The following ANO3 variants were observed in gnomAD, a reference collection of about 807,000 sequenced individuals.
The protein encoded by ANO3 is anoctamin-3.
A neutral mutation model predicts 144.8 loss-of-function variants in ANO3; 99 were observed. The ratio of observed to expected loss-of-function variants is 0.68; its 90% confidence interval spans 0.58 to 0.81. The LOEUF (loss-of-function observed/expected upper bound fraction) is 0.81, where lower values mean the gene tolerates loss of function less well. Ranked by LOEUF, ANO3 falls within the 30% of genes least tolerant of loss-of-function variation. The pLI, the probability that ANO3 is intolerant of heterozygous loss-of-function variation, is 0.00. For missense variants in ANO3, 905 were observed against 1,202.2 expected (o/e 0.75, Z 3.66); for synonymous variants, 414 against 392.6 (o/e 1.05, Z -0.64).
intron 6 of ANO3, among the ~76,000 whole-genome samples, chr11:26,523,998 GA>G (rs921268158): frequency 2.3e-4 from 35 of 151,542 alleles, no homozygotes; most frequent in Admixed American, 2.2e-3. Context: ...TAGCTTTTTT[GA>G]AAAAAATACT....
At chr11:26,454,148 A>G in intron 3 of ANO3, among the ~76,000 whole-genome samples, 1 of 152,156 alleles carries the variant, frequency 6.6e-6, no homozygotes, top group Non-Finnish European at 1.5e-5. Flanking sequence ...TTGACACCCT[A>G]ACATCACAAT....
chr11:26,489,819 T>G (rs779092036), intron 4 of ANO3, among the ~76,000 whole-genome samples: 2 of 152,240 alleles, frequency 1.3e-5, no homozygotes, highest in Non-Finnish European at 2.9e-5. Context: ...AAAGGCTGTA[T>G]TGACCCAGTA....
At chr11:26,603,814 A>G (rs1190278245) in intron 17 of ANO3, among the ~76,000 whole-genome samples, 3 of 152,128 alleles carry the variant, frequency 2.0e-5, no homozygotes, top group Non-Finnish European at 4.4e-5. Context: ...CACCTAGTAT[A>G]TTTATTTTAA....
intron 1 of ANO3, among the ~76,000 whole-genome samples, chr11:26,377,350 A>G (rs141974025): frequency 5.4e-4 from 82 of 152,152 alleles, no homozygotes; most frequent in African/African-American, 1.9e-3. Context: ...AAATATGAGC[A>G]TAAAGATAAT....
chr11:26,292,965 T>C (rs1047917150), intron 1 of ANO3, among the ~76,000 whole-genome samples: 2 of 152,098 alleles, frequency 1.3e-5, no homozygotes, highest in Admixed American at 6.6e-5. Flanking sequence ...CAAAGCTCAG[T>C]TGGAAATGCA....
At chr11:26,550,068 A>G (rs1465460121) in intron 12 of ANO3, among the ~76,000 whole-genome samples, 1 of 151,020 alleles carries the variant, frequency 6.6e-6, no homozygotes, top group Non-Finnish European at 1.5e-5. Flanking sequence ...TGATCCTTTA[A>G]AAAAAAAATG....
In ANO3 at chr11:26,509,093, A is replaced by ATCTC. The variant is rs140858393; in HGVS notation, c.591+841_591+844dup. 2.7e-3 allele frequency among the ~76,000 whole-genome samples: 357 copies of ATCTC among 132,070 alleles called. 1 individual carries two copies. Among genetic ancestry groups the ATCTC allele is most frequent in the African/African-American group, 8.5e-3 (323 of 37,974 alleles). 86.6% of individuals were successfully genotyped at this position (132,070 alleles called of 152,430 possible). ...CGTATACATATATATACACACATCT[A>ATCTC]TCTCTCTCTCTCTATATATATATAT... is the stretch of plus-strand genomic sequence containing the variant. On this transcript the variant is annotated intron_variant, in intron 5 of 26. Coordinates refer to ENST00000256737, the MANE Select transcript of ANO3 (RefSeq NM_031418.4).
chr11:26,591,165 A>T (rs573679745), intron 14 of ANO3, among the ~76,000 whole-genome samples: 43 of 152,240 alleles, frequency 2.8e-4, no homozygotes, highest in Non-Finnish European at 5.3e-4. Context: ...AGGCTTAGGA[A>T]TTCTTAGTCA....
intron 1 of ANO3, among the ~76,000 whole-genome samples, chr11:26,371,723 T>C (rs1285014424): frequency 1.3e-5 from 2 of 152,226 alleles, no homozygotes; most frequent in African/African-American, 4.8e-5. Flanking sequence ...TTTGGAACTT[T>C]AAGATTTAAT....
chr11:26,400,454 T>C (rs905951180), intron 1 of ANO3, among the ~76,000 whole-genome samples: 2 of 152,002 alleles, frequency 1.3e-5, no homozygotes, highest in African/African-American at 4.8e-5. Flanking sequence ...CTGAAAACCA[T>C]TTTAAAATAA....
chr11:26,375,448 T>C (rs1856378785), intron 1 of ANO3, among the ~76,000 whole-genome samples: 1 of 152,198 alleles, frequency 6.6e-6, no homozygotes, highest in South Asian at 2.1e-4. Flanking sequence ...CAGAAATTTA[T>C]TCATCTACAA....
chr11:26,604,453 G>A (rs1046959354), intron 17 of ANO3, among the ~76,000 whole-genome samples: 1 of 152,086 alleles, frequency 6.6e-6, no homozygotes, highest in African/African-American at 2.4e-5. Flanking sequence ...TGTGAAGAAT[G>A]TCAATGGTAG....
intron 1 of ANO3, among the ~76,000 whole-genome samples, chr11:26,296,009 T>C (rs1403393598): frequency 2.0e-5 from 3 of 152,244 alleles, no homozygotes; most frequent in Non-Finnish European, 4.4e-5. Flanking sequence ...ATGGTTGCAA[T>C]AGCAAACTTA....
intron 1 of ANO3, among the ~76,000 whole-genome samples, chr11:26,343,230 G>T (rs1855410385): frequency 1.3e-5 from 2 of 152,030 alleles, no homozygotes; most frequent in African/African-American, 4.8e-5. Context: ...TGCAATATTT[G>T]TCTTCCTGTA....
intron 14 of ANO3, among the ~76,000 whole-genome samples, chr11:26,594,156 T>C (rs11529839): frequency 0.29 from 44,010 of 152,044 alleles, 6,727 homozygotes; most frequent in South Asian, 0.46. Flanking sequence ...TAATTCAAAG[T>C]CTTCTTCCTA....
chr11:26,453,573 C>A (rs1859031072), intron 3 of ANO3, among the ~76,000 whole-genome samples: 1 of 152,034 alleles, frequency 6.6e-6, no homozygotes, highest in Non-Finnish European at 1.5e-5. Flanking sequence ...CACCCAGATT[C>A]ATAAAGCAAG....
At chr11:26,628,622 A>G (rs1852670359) in intron 18 of ANO3, among the ~76,000 whole-genome samples, 1 of 152,238 alleles carries the variant, frequency 6.6e-6, no homozygotes, top group African/African-American at 2.4e-5. Flanking sequence ...GTTAAACCTC[A>G]AAGTTATCAT....
intron 18 of ANO3, among the ~76,000 whole-genome samples, chr11:26,630,640 ATTG>A (rs1448794490): frequency 6.6e-6 from 1 of 152,164 alleles, no homozygotes; most frequent in East Asian, 1.9e-4. Context: ...TCTGCCCCTC[ATTG>A]TTAAGTTTTT....
rs397941347 is a variant in ANO3 at position 26,502,849 on chromosome 11, G to GAA, written c.433-5240_433-5239dup. Among the ~76,000 whole-genome samples, 126 of 77,740 alleles carry GAA rather than the reference G, an allele frequency of 1.6e-3. 1 individual carries two copies. Among genetic ancestry groups the GAA allele is most frequent in the South Asian group, 0.014 (42 of 3,052 alleles). The allele number at this position is 77,740 out of a possible 152,430, so 51.0% of individuals were successfully genotyped here. A position where few individuals can be genotyped will look rare whatever the true frequency, so the allele number is the denominator to read the frequency against. On this transcript the variant is annotated intron_variant, in intron 4 of 26. Transcript: ENST00000256737. ...AGATTGAGAAGAATAAACATTCAGG[G>GAA]AAAAAAAAAAAAAAAAGCCTGTCAC... is the stretch of plus-strand genomic sequence containing the variant.
Sources: gnomAD v4.1 joint callset for allele counts (sites outside exome capture counted in the v4.1 genomes callset) on GRCh38, gnomAD v4.1.1 for gene constraint, MANE v1.5 for transcripts, NCBI Gene and HGNC (gene_info 2026-07-23, HGNC 2026-07-21) for gene names.